Variants in IL17REL observed in about 807,000 individuals in gnomAD.
IL17REL encodes the protein interleukin-17 receptor E-like protein.
A neutral mutation model predicts 49.0 loss-of-function variants in IL17REL; 36 were observed. The observed-to-expected ratio is 0.73, with a 90% CI of 0.56 to 0.97. The LOEUF is 0.97. Ranked by LOEUF, IL17REL falls within the 50% of genes least tolerant of loss-of-function variation. The probability of loss-of-function intolerance (pLI) is 0.00; values close to 1 mark genes in which losing one functional copy is unlikely to be tolerated. For synonymous variants in IL17REL, 206 were observed against 192.4 expected (o/e 1.07, Z -0.58); for missense variants, 470 against 453.9 (o/e 1.04, Z -0.32).
Position 49,999,736 on chromosome 22 carries a change from CG to C in IL17REL, c.474+91del, listed in dbSNP as rs1481138685. The C allele has an allele frequency of 1.1e-5, 6 of 527,452 alleles. 1 individual carries two copies. Among genetic ancestry groups the C allele is most frequent in the Non-Finnish European group, 1.1e-5 (5 of 446,306 alleles). The allele number at this position is 527,452 out of a possible 1,614,324, so 32.7% of individuals were successfully genotyped here. On this transcript the variant is annotated intron_variant, in intron 5 of 12. Coordinates refer to ENST00000341280, the Ensembl canonical transcript of IL17REL. ...CGGGGCGCGGGGGGTGGGCGGGGCG[CG>C]GGGTGGGCGGGGCCTAAGGCTGACC...
At chr22:49,999,859 A>G (rs2061067223) in exon 5 of IL17REL, 1 of 1,534,346 alleles carries the variant, frequency 6.5e-7, no homozygotes, top group African/African-American at 1.4e-5. Flanking sequence ...CTCGCAGGTG[A>G]ACCGCTTGAG....
downstream of IL17REL, among the ~76,000 whole-genome samples, chr22:49,992,721 G>A (rs1452849146): frequency 1.3e-5 from 2 of 152,178 alleles, no homozygotes; most frequent in African/African-American, 2.4e-5. Context: ...GGGTTCAAGC[G>A]ATTCTCCTGC....
intron 1 of IL17REL, among the ~76,000 whole-genome samples, chr22:50,005,298 C>CAAAAAAA (rs1569211616): frequency 6.6e-6 from 1 of 152,038 alleles, no homozygotes; most frequent in Non-Finnish European, 1.5e-5. Context: ...TTGCCTTATT[C>CAAAAAAA]AAAATAAGGC....
At chr22:49,995,807 G>A (rs1404043567) in exon 13 of IL17REL, 5 of 152,556 alleles carry the variant, frequency 3.3e-5, no homozygotes, top group African/African-American at 1.2e-4. Flanking sequence ...GCCCCAAGAG[G>A]AGTGTGTATG....
chr22:49,992,028 G>A (rs2061009024), downstream of IL17REL, among the ~76,000 whole-genome samples: 1 of 152,200 alleles, frequency 6.6e-6, no homozygotes, highest in Admixed American at 6.5e-5. Flanking sequence ...CTGGGTCACA[G>A]ATAAGAGACA....
chr22:49,998,197 G>C (rs773998616), exon 8 of IL17REL: 5 of 1,611,634 alleles, frequency 3.1e-6, no homozygotes, highest in Non-Finnish European at 4.2e-6. Context: ...CCGGCCCCGG[G>C]CGCCAGCACA....
chr22:49,997,606 A>C lies in IL17REL; in HGVS notation c.877+79T>G. 2.7e-6 allele frequency: 4 copies of C among 1,498,880 alleles called. No homozygotes were observed. The South Asian group carries it at 4.5e-5, about 17-fold the overall frequency. The allele number at this position is 1,498,880 out of a possible 1,614,324, so 92.8% of individuals were successfully genotyped here. On this transcript the variant is annotated intron_variant, in intron 10 of 12. Transcript: ENST00000341280. The stretch of plus-strand genomic sequence containing the variant: ...CACACTGGCTTGGCACCGTTATTCC[A>C]CCTCCCTGACCAGCACAGAGTGATA...
chr22:50,005,468 G>T (rs2061104141), intron 1 of IL17REL, among the ~76,000 whole-genome samples: 1 of 152,114 alleles, frequency 6.6e-6, no homozygotes, highest in Admixed American at 6.6e-5. Context: ...ATTCAAGCTG[G>T]TGTTGACAGA....
chr22:49,999,587 G>T, intron 5 of IL17REL, 85 bp from the exon 8 acceptor site: 2 of 1,160,552 alleles, frequency 1.7e-6, no homozygotes, highest in East Asian at 5.2e-5. Flanking sequence ...GAACGGGGCG[G>T]GAGCGGGGAC....
chr22:50,012,142 T>A (rs1404300283), upstream of IL17REL, among the ~76,000 whole-genome samples: 1 of 152,144 alleles, frequency 6.6e-6, no homozygotes, highest in Non-Finnish European at 1.5e-5. Context: ...ACTGCCAACA[T>A]CTCATTCTCA....
chr22:49,997,664 T>C, intron 10 of IL17REL, 21 bp downstream of exon 12: 2 of 1,609,316 alleles, frequency 1.2e-6, no homozygotes, highest in Non-Finnish European at 1.7e-6. Flanking sequence ...CCACATTGCG[T>C]AGGCCTCATG....
downstream of IL17REL, among the ~76,000 whole-genome samples, chr22:49,993,350 C>T (rs1212724984): frequency 2.0e-5 from 3 of 152,178 alleles, no homozygotes; most frequent in African/African-American, 4.8e-5. This position sits in a 1 kb window ranked among gnomAD's most constrained non-coding sequence, Gnocchi z 6.0. Context: ...CCGCCCCTAC[C>T]GCACCCCCCT....
intron 1 of IL17REL, among the ~76,000 whole-genome samples, chr22:50,005,726 A>C (rs775665698): frequency 2.0e-5 from 3 of 152,012 alleles, no homozygotes; most frequent in Non-Finnish European, 4.4e-5. Context: ...AATCCCTTGA[A>C]TCCGGGAGGC....
At chr22:49,999,409 T>C in intron 6 of IL17REL, 22 bp downstream of exon 8, 2 of 1,612,526 alleles carry the variant, frequency 1.2e-6, no homozygotes, top group Non-Finnish European at 1.7e-6. Flanking sequence ...CCGCCCCAAG[T>C]CCAGGCCACA....
At chr22:50,007,483 G>A (rs1386188463) in intron 1 of IL17REL, among the ~76,000 whole-genome samples, 1 of 152,228 alleles carries the variant, frequency 6.6e-6, no homozygotes. Flanking sequence ...TGATTCTCTT[G>A]CCTCAGCCTC....
exon 6 of IL17REL, chr22:49,999,475 C>T: frequency 1.3e-6 from 2 of 1,593,674 alleles, no homozygotes; most frequent in Non-Finnish European, 1.7e-6. Context: ...GGCAGGAAGA[C>T]GGCCTGGGAG....
rs745518348 is a variant in IL17REL, at chr22:50,000,782, G to A, written c.191C>T (p.Ala64Val). ...CTGCCCCCCCTGCTGCCGGTGGGAG[G>A]CCCTGGCCACCCACACGCTCTGACA... Residue 64 changes from alanine to valine, a missense_variant, in exon 3 of 13, where the codon GCC becomes GTC. By Grantham distance (64) the Ala-to-Val change is moderately conservative. Transcript: ENST00000341280. 5.0e-6 allele frequency: 8 copies of A among 1,598,350 alleles called. No homozygotes were observed. The Admixed American group carries it at 8.5e-5, about 17-fold the overall frequency.
At chr22:50,010,306 C>T (rs986453216), upstream of IL17REL, among the ~76,000 whole-genome samples, 22 of 152,228 alleles carry the variant, frequency 1.4e-4, no homozygotes, top group African/African-American at 5.3e-4. Flanking sequence ...CTGAGGGCTC[C>T]GCCCAGGCAA....
upstream of IL17REL, among the ~76,000 whole-genome samples, chr22:50,011,474 C>G (rs2061141169): frequency 6.6e-6 from 1 of 152,054 alleles, no homozygotes; most frequent in African/African-American, 2.4e-5. Context: ...AGGCCGCCTC[C>G]CCCCATGTCT....
Sources: gnomAD v4.1 joint callset for allele counts (sites outside exome capture counted in the v4.1 genomes callset) on GRCh38, gnomAD v4.1.1 for gene constraint, Gnocchi (gnomAD v3.1) non-coding constraint, MANE v1.5 for transcripts, NCBI Gene and HGNC (gene_info 2026-07-23, HGNC 2026-07-21) for gene names.